The following TCF4 variants were observed in gnomAD, a reference collection of about 807,000 sequenced individuals.
The protein encoded by TCF4 is SL3-3 enhancer factor 2.
A neutral mutation model predicts 82.1 loss-of-function variants in TCF4; 3 were observed. The observed-to-expected ratio is 0.04, with a 90% CI of 0.02 to 0.09. The LOEUF is 0.09. TCF4 is among the 10% of genes least tolerant of loss of function. The probability of loss-of-function intolerance (pLI) is 1.00; values close to 1 mark genes in which losing one functional copy is unlikely to be tolerated. For missense variants in TCF4, 518 were observed against 852.7 expected, an observed-to-expected ratio of 0.61 and a Z score of 4.89; for synonymous variants, 276 against 309.6, an observed-to-expected ratio of 0.89 and a Z score of 1.14.
At chr18:55,499,483 T>C (rs189892285) in intron 3 of TCF4, among the ~76,000 whole-genome samples, 3 of 152,308 alleles carry the variant, frequency 2.0e-5, no homozygotes, top group Non-Finnish European at 4.4e-5. Flanking sequence ...AAAAGAAAAC[T>C]AGACTTTTTC....
intron 5 of TCF4, among the ~76,000 whole-genome samples, chr18:55,407,023 A>G (rs1470079766): frequency 6.6e-6 from 1 of 152,172 alleles, no homozygotes; most frequent in Non-Finnish European, 1.5e-5. Context: ...CCATATTTTT[A>G]AAACTAAAAG....
chr18:55,594,953 G>A (rs57884215), intron 2 of TCF4, among the ~76,000 whole-genome samples: 21,742 of 152,068 alleles, frequency 0.14, 2,024 homozygotes, highest in Admixed American at 0.28. Context: ...CATACACAAG[G>A]GAAGGCAGGA....
At chr18:55,388,407 G>A (rs1000811784) in intron 6 of TCF4, among the ~76,000 whole-genome samples, 9 of 152,144 alleles carry the variant, frequency 5.9e-5, no homozygotes, top group African/African-American at 1.4e-4. Flanking sequence ...TAGCATGGGC[G>A]GTACGCACCA....
chr18:55,426,327 C>T (rs1305369957), intron 5 of TCF4, among the ~76,000 whole-genome samples: 1 of 152,060 alleles, frequency 6.6e-6, no homozygotes, highest in East Asian at 1.9e-4. Context: ...AACTGAGGTT[C>T]CACAGAAAAT....
intron 5 of TCF4, among the ~76,000 whole-genome samples, chr18:55,446,558 T>G (rs962020563): frequency 3.3e-5 from 5 of 152,202 alleles, no homozygotes; most frequent in Admixed American, 2.0e-4. Flanking sequence ...AATAACCTAA[T>G]CTCTCTGATT....
At chr18:55,364,957 A>C (rs2086461537) in intron 6 of TCF4, among the ~76,000 whole-genome samples, 1 of 151,572 alleles carries the variant, frequency 6.6e-6, no homozygotes, top group African/African-American at 2.4e-5. Context: ...CAGGAGATCG[A>C]GACCATCCTA....
chr18:55,375,178 T>C (rs1234170163), intron 6 of TCF4, among the ~76,000 whole-genome samples: 2 of 151,350 alleles, frequency 1.3e-5, no homozygotes, highest in African/African-American at 4.8e-5. Flanking sequence ...TGCTTGGCCA[T>C]TTCATGAAAA....
chr18:55,320,370 T>C (rs1602527762), intron 8 of TCF4, among the ~76,000 whole-genome samples: 1 of 152,230 alleles, frequency 6.6e-6, no homozygotes, highest in Non-Finnish European at 1.5e-5. Flanking sequence ...CTATGAACTT[T>C]TGATGATTTA....
At chr18:55,480,631 C>T (rs988504854) in intron 3 of TCF4, among the ~76,000 whole-genome samples, 4 of 152,214 alleles carry the variant, frequency 2.6e-5, no homozygotes, top group Admixed American at 6.5e-5. Flanking sequence ...TACACCTCAA[C>T]ATTTTTCATG....
At chr18:55,585,781 T>C (rs747507891) in intron 2 of TCF4, 10 of 1,102,264 alleles carry the variant, frequency 9.1e-6, no homozygotes, top group Middle Eastern at 4.1e-4. Flanking sequence ...GCCTGTCATA[T>C]GTGAACCCAA....
At chr18:55,602,963 A>T (rs2097698699) in intron 2 of TCF4, among the ~76,000 whole-genome samples, 1 of 152,172 alleles carries the variant, frequency 6.6e-6, no homozygotes, top group Non-Finnish European at 1.5e-5. Flanking sequence ...ACCAAAATGA[A>T]CATAATGTAA....
At chr18:55,432,354 G>T (rs925080907) in intron 5 of TCF4, among the ~76,000 whole-genome samples, 7 of 152,120 alleles carry the variant, frequency 4.6e-5, no homozygotes, top group Admixed American at 2.6e-4. Context: ...GCGCTGAACA[G>T]AGATTTGTAC....
intron 8 of TCF4, among the ~76,000 whole-genome samples, chr18:55,309,415 C>T (rs898084358): frequency 6.6e-6 from 1 of 152,130 alleles, no homozygotes; most frequent in African/African-American, 2.4e-5. Context: ...AGCCACTGTG[C>T]CTGGCCTTCA....
In TCF4 at chr18:55,258,175, C is replaced by A. The variant is rs1021354785; in HGVS notation, c.1070-784G>T. Among the ~76,000 whole-genome samples, 66 of 152,118 alleles carry A rather than the reference C, an allele frequency of 4.3e-4. 1 individual carries two copies. The highest frequency in any genetic ancestry group is 7.4e-5 in the Non-Finnish European group (5 of 68,016). On this transcript the variant is annotated intron_variant, in intron 13 of 19. Transcript: ENST00000354452. ...TTAAAATCCACTCTTCCTGTCTTTT[C>A]TGGGTGTGCATGTATATTTTTATGC...
At chr18:55,469,395 T>C (rs1603501877) in intron 3 of TCF4, among the ~76,000 whole-genome samples, 1 of 150,700 alleles carries the variant, frequency 6.6e-6, no homozygotes, top group Non-Finnish European at 1.5e-5. Flanking sequence ...ACCCAGGAGG[T>C]GGAGGTTGCC....
intron 8 of TCF4, among the ~76,000 whole-genome samples, chr18:55,337,365 G>A (rs2078876000): frequency 6.6e-6 from 1 of 152,148 alleles, no homozygotes; most frequent in Admixed American, 6.5e-5. Flanking sequence ...AAAATTTAGG[G>A]TAACTCTGAG....
chr18:55,398,511 G>A (rs182756526), intron 6 of TCF4, among the ~76,000 whole-genome samples: 4 of 152,230 alleles, frequency 2.6e-5, no homozygotes, highest in Admixed American at 1.3e-4. Flanking sequence ...TGAATGAGAC[G>A]ATTCAACCCC....
chr18:55,387,997 C>T (rs1425716963), intron 6 of TCF4, among the ~76,000 whole-genome samples: 1 of 152,162 alleles, frequency 6.6e-6, no homozygotes, highest in African/African-American at 2.4e-5. Flanking sequence ...CATCTCTGAG[C>T]TTTAGTTTTC....
At chr18:55,444,422 G>A (rs969901963) in intron 5 of TCF4, among the ~76,000 whole-genome samples, 3 of 152,122 alleles carry the variant, frequency 2.0e-5, no homozygotes, top group Admixed American at 1.3e-4. Context: ...AGCAGAGGAT[G>A]GTGACCGGGA....
Sources: gnomAD v4.1 joint callset for allele counts (sites outside exome capture counted in the v4.1 genomes callset) on GRCh38, gnomAD v4.1.1 for gene constraint, MANE v1.5 for transcripts, NCBI Gene and HGNC (gene_info 2026-07-23, HGNC 2026-07-21) for gene names.